Variants in CPQ observed in about 807,000 individuals in gnomAD.
CPQ encodes carboxypeptidase Q.
In CPQ, 37 loss-of-function variants were observed where a neutral mutation model predicts 45.7. The ratio of observed to expected loss-of-function variants is 0.81; its 90% CI spans 0.62 to 1.07. The LOEUF (loss-of-function observed/expected upper bound fraction) is 1.07, where lower values mean the gene tolerates loss of function less well. Among genes scored for constraint, CPQ ranks in the 50% least tolerant of loss-of-function variants. The probability of loss-of-function intolerance (pLI) is 0.00; values close to 1 mark genes in which losing one functional copy is unlikely to be tolerated. For missense variants in CPQ, 537 were observed against 572.9 expected, an observed-to-expected ratio of 0.94 and a Z score of 0.64; for synonymous variants, 186 against 205.8, an observed-to-expected ratio of 0.90 and a Z score of 0.82.
At chr8:96,669,038 G>A (rs989238518) in intron 1 of CPQ, among the ~76,000 whole-genome samples, 2 of 152,322 alleles carry the variant, frequency 1.3e-5, no homozygotes, top group Non-Finnish European at 1.5e-5. Flanking sequence ...GGATATCTTA[G>A]ATGTCTACTC....
chr8:96,669,234 G>C (rs527676456), intron 1 of CPQ, among the ~76,000 whole-genome samples: 47 of 152,290 alleles, frequency 3.1e-4, no homozygotes, highest in African/African-American at 1.1e-3. Flanking sequence ...CCTCTCCCTT[G>C]CCCTGCTGGC....
chr8:96,663,491 G>A (rs1213063259), intron 1 of CPQ, among the ~76,000 whole-genome samples: 7 of 152,202 alleles, frequency 4.6e-5, no homozygotes, highest in African/African-American at 1.7e-4. Flanking sequence ...GTTGAGAACT[G>A]TGGAGACTGT....
chr8:96,835,604 T>C (rs1169619999), intron 3 of CPQ, among the ~76,000 whole-genome samples: 1 of 152,168 alleles, frequency 6.6e-6, no homozygotes, highest in East Asian at 1.9e-4. Flanking sequence ...GGGCCATCTA[T>C]GGTATAGTGA....
At chr8:97,137,636 A>G (rs996716434) in intron 7 of CPQ, among the ~76,000 whole-genome samples, 3 of 152,220 alleles carry the variant, frequency 2.0e-5, no homozygotes, top group Middle Eastern at 3.2e-3. Flanking sequence ...TTCATGGCAT[A>G]AAGTATTTTC....
intron 4 of CPQ, among the ~76,000 whole-genome samples, chr8:96,881,028 A>AT (rs1339315928): frequency 6.6e-6 from 1 of 152,138 alleles, no homozygotes; most frequent in Non-Finnish European, 1.5e-5. Flanking sequence ...TGAGAGTGGT[A>AT]TTTGTCCACG....
At chr8:96,853,951 A>C (rs1811806250) in intron 3 of CPQ, among the ~76,000 whole-genome samples, 1 of 152,214 alleles carries the variant, frequency 6.6e-6, no homozygotes. Flanking sequence ...AGCCAGCCTA[A>C]TAGCTATTCT....
At chr8:96,793,563 A>G (rs1810881421) in intron 2 of CPQ, among the ~76,000 whole-genome samples, 1 of 152,230 alleles carries the variant, frequency 6.6e-6, no homozygotes. Context: ...GTCAAACTAT[A>G]TCATTCTGAC....
At chr8:96,983,838 T>C (rs1813949358) in intron 5 of CPQ, among the ~76,000 whole-genome samples, 2 of 151,922 alleles carry the variant, frequency 1.3e-5, no homozygotes, top group African/African-American at 4.8e-5. Context: ...CTTTTTTTTT[T>C]TTTTACTATT....
chr8:96,665,860 A>G (rs528048626), intron 1 of CPQ, among the ~76,000 whole-genome samples: 1 of 152,322 alleles, frequency 6.6e-6, no homozygotes, highest in Admixed American at 6.5e-5. Context: ...TATTTGCAAC[A>G]TCCATATATT....
chr8:97,047,099 T>C (rs1044729880), intron 6 of CPQ, among the ~76,000 whole-genome samples: 1 of 152,218 alleles, frequency 6.6e-6, no homozygotes, highest in Admixed American at 6.5e-5. Context: ...TTATAATCTC[T>C]TGCATCTATG....
intron 4 of CPQ, among the ~76,000 whole-genome samples, chr8:96,894,680 G>T (rs1367902837): frequency 6.6e-6 from 1 of 152,138 alleles, no homozygotes; most frequent in Non-Finnish European, 1.5e-5. Flanking sequence ...TTAAAACATT[G>T]TTTGAAATAT....
chr8:97,046,712 C>T (rs1249392477), intron 6 of CPQ, among the ~76,000 whole-genome samples: 1 of 152,150 alleles, frequency 6.6e-6, no homozygotes, highest in Non-Finnish European at 1.5e-5. Context: ...GGCAACTCTC[C>T]AGGTAGTAAC....
chr8:97,123,002 T>TAA (rs1356753477), intron 7 of CPQ, among the ~76,000 whole-genome samples: 12 of 15,212 alleles, frequency 7.9e-4, no homozygotes, highest in East Asian at 2.3e-3. Context: ...TAAAATAAAA[T>TAA]ATAAAATAAA....
At chr8:96,658,063 C>T (rs947706785) in intron 1 of CPQ, among the ~76,000 whole-genome samples, 35 of 152,298 alleles carry the variant, frequency 2.3e-4, no homozygotes, top group Admixed American at 1.4e-3. Context: ...CCATCTAAAA[C>T]ACCTGGCTAT....
At chr8:96,956,446 C>A (rs1813358976) in intron 4 of CPQ, among the ~76,000 whole-genome samples, 2 of 152,066 alleles carry the variant, frequency 1.3e-5, no homozygotes, top group South Asian at 2.1e-4. Context: ...TATTAGTGGC[C>A]CTTGATTCTT....
chr8:96,869,041 G>A (rs1327482196), intron 3 of CPQ, among the ~76,000 whole-genome samples: 1 of 151,810 alleles, frequency 6.6e-6, no homozygotes, highest in East Asian at 1.9e-4. Flanking sequence ...TTCTAATGCA[G>A]GTGCCATTGA....
At chr8:96,873,892 A>G (rs1037899125) in intron 3 of CPQ, among the ~76,000 whole-genome samples, 2 of 151,908 alleles carry the variant, frequency 1.3e-5, no homozygotes, top group Admixed American at 1.3e-4. Context: ...GCTCAGAAAC[A>G]TAAAGTGCTT....
At chr8:96,797,733 G>A (rs1169009184) in intron 2 of CPQ, among the ~76,000 whole-genome samples, 5 of 151,936 alleles carry the variant, frequency 3.3e-5, no homozygotes, top group Non-Finnish European at 5.9e-5. Context: ...CCCGAGCAAC[G>A]TAGTGAAACT....
chr8:96,977,109 G>A (rs1260929065), intron 5 of CPQ, among the ~76,000 whole-genome samples: 2 of 151,954 alleles, frequency 1.3e-5, no homozygotes, highest in Admixed American at 1.3e-4. Context: ...TCTTACAAAG[G>A]ACTAATATCC....
Sources: gnomAD v4.1 joint callset for allele counts (sites outside exome capture counted in the v4.1 genomes callset) on GRCh38, gnomAD v4.1.1 for gene constraint, MANE v1.5 for transcripts, NCBI Gene and HGNC (gene_info 2026-07-23, HGNC 2026-07-21) for gene names.